The following TRAFD1 variants were observed in gnomAD, a reference collection of about 807,000 sequenced individuals.
The protein encoded by TRAFD1 is TRAF-type zinc finger domain-containing protein 1.
In TRAFD1, 38 loss-of-function variants were observed where a neutral mutation model predicts 65.3. The ratio of observed to expected loss-of-function variants is 0.58; its 90% CI spans 0.45 to 0.76. The LOEUF is 0.76. Among genes scored for constraint, TRAFD1 ranks in the 30% least tolerant of loss-of-function variants. The pLI, the probability that TRAFD1 is intolerant of heterozygous loss-of-function variation, is 0.00. For missense variants in TRAFD1, 631 were observed against 712.6 expected, an observed-to-expected ratio of 0.89 and a Z score of 1.30; for synonymous variants, 223 against 257.2, an observed-to-expected ratio of 0.87 and a Z score of 1.27.
At position 112,141,001 on chromosome 12, in the gene TRAFD1, G is replaced by T; in HGVS notation, c.420G>T (p.Glu140Asp). 1 of 1,614,152 alleles carries T rather than the reference G, an allele frequency of 6.2e-7. No homozygotes were observed. Among genetic ancestry groups the T allele is most frequent in the African/African-American group, 1.3e-5 (1 of 75,038 alleles). Residue 140 changes from glutamate (E) to aspartate (D), a missense_variant, in exon 5 of 12, where the codon GAG becomes GAT. By Grantham distance (45) the Glu-to-Asp change is conservative. Coordinates refer to ENST00000412615, the MANE Select transcript of TRAFD1 (RefSeq NM_006700.3). ...CTGAAGTTTGTGGGAGAGAGGGGGA[G>T]GAAAAGAGAAATGAGGTTGCCATAC... ...THPEVCGREG[E>D]EKRNEVAIPP...
rs2030453771 is a variant in TRAFD1 at position 112,153,066 on chromosome 12, C to T, written c.*275C>T. The T allele has an allele frequency of 2.5e-6, 1 of 404,138 alleles. No individual in the cohort carries two copies. Among genetic ancestry groups the T allele is most frequent in the Non-Finnish European group, 4.5e-6 (1 of 224,534 alleles). The allele number at this position is 404,138 out of a possible 1,614,324, so 25.0% of individuals were successfully genotyped here. ...CTGCAGCCTCGGCTGCCAGGGCTCCCTTTTGACTTATTGTCGCCACTGCCC... is the reference window on the plus strand; with the variant it reads ...CTGCAGCCTCGGCTGCCAGGGCTCCTTTTTGACTTATTGTCGCCACTGCCC... On this transcript the variant is annotated 3_prime_UTR_variant, in exon 12 of 12. Transcript: ENST00000412615.
intron 5 of TRAFD1, chr12:112,141,455 A>G (rs1566049475): frequency 1.8e-6 from 1 of 543,494 alleles, no homozygotes; most frequent in Non-Finnish European, 3.2e-6. Flanking sequence ...ACACTTATAC[A>G]GATTGAGTAT....
At position 112,142,229 on chromosome 12, in the gene TRAFD1, T is replaced by C; in HGVS notation, c.784T>C (p.Phe262Leu). ...GQASSVAEQDFWRAVCEADQS... is the reference protein window; with the variant it reads ...GQASSVAEQDLWRAVCEADQS... ...AGCCTCCAGTGTGGCAGAGCAGGAC[T>C]TCTGGAGGGCCGTATGTGAGGCCGA... The change falls in exon 6 of 12, where the codon TTC becomes CTC. Residue 262 changes from phenylalanine (F) to leucine (L), a missense_variant. Transcript: ENST00000412615. 1.2e-6 allele frequency: 2 copies of C among 1,614,014 alleles called. No homozygotes were observed. The highest frequency in any genetic ancestry group is 1.7e-6 in the Non-Finnish European group (2 of 1,179,934).
rs747939315 is a variant in TRAFD1 at position 112,142,274 on chromosome 12, A to G, written c.829A>G (p.Arg277Gly). 1.2e-6 allele frequency: 2 copies of G among 1,613,674 alleles called. No individual in the cohort carries two copies. The highest frequency in any genetic ancestry group is 3.3e-5 in the Admixed American group (2 of 60,002). ...GGCCGACCAGTCTCATGGCGGTCCC[A>G]GGTCTCTCAGTGACATAAAGGGTAG... ...CEADQSHGGP[R>G]SLSDIKGAAD... The change falls in exon 6 of 12, where the codon AGG becomes GGG. Residue 277 changes from arginine (R) to glycine (G), a missense_variant. Physicochemically the swap from Arg to Gly is moderately radical, Grantham distance 125. Transcript: ENST00000412615.
chr12:112,135,078 GA>G lies in TRAFD1; in HGVS notation c.237+13del. On this transcript the variant is annotated intron_variant, in intron 4 of 11. Coordinates refer to ENST00000412615, the MANE Select transcript of TRAFD1 (RefSeq NM_006700.3). ...TAAAGAAGCATGAGGTTAGTCCATGGAGTGAGTTACCGTGGGCCCAGTCCTG... is the reference window on the plus strand; with the variant it reads ...TAAAGAAGCATGAGGTTAGTCCATGGGTGAGTTACCGTGGGCCCAGTCCTG... The G allele has an allele frequency of 8.1e-6, 13 of 1,614,158 alleles. No individual in the cohort carries two copies. Among genetic ancestry groups the G allele is most frequent in the Non-Finnish European group, 1.1e-5 (13 of 1,180,012 alleles).
rs1382480236 is a variant in TRAFD1, at chr12:112,152,170, T to C, written c.1619+30T>C. ...GAATCAGTAGCCCAGGAATGGGGCTTGGGAGTAGCTGAAGCGAACATGGGC... is the reference window on the plus strand; with the variant it reads ...GAATCAGTAGCCCAGGAATGGGGCTCGGGAGTAGCTGAAGCGAACATGGGC... On this transcript the variant is annotated intron_variant, in intron 10 of 11. Transcript: ENST00000412615. The surrounding 1 kb of genome is among the most constrained non-coding windows in gnomAD (Gnocchi z 5.0). 6.3e-7 allele frequency: 1 copy of C among 1,587,766 alleles called. No homozygotes were observed. Among genetic ancestry groups the C allele is most frequent in the Non-Finnish European group, 8.6e-7 (1 of 1,166,572 alleles).
chr12:112,143,028 C>T lies in TRAFD1; in HGVS notation c.850+733C>T, dbSNP rs11066183. ...TGCCTCCTGGGCTCAAGTGATTCTCCTGCCTCAACCTCCTGAGTAGCTGGG... is the reference window on the plus strand; with the variant it reads ...TGCCTCCTGGGCTCAAGTGATTCTCTTGCCTCAACCTCCTGAGTAGCTGGG... On this transcript the variant is annotated intron_variant, in intron 6 of 11. Transcript: ENST00000412615. 0.055 allele frequency among the ~76,000 whole-genome samples: 8,330 copies of T among 151,766 alleles called. 1,259 individuals are homozygous for T. In the East Asian group the frequency reaches 0.61, roughly 11 times the overall value.
intron 7 of TRAFD1, among the ~76,000 whole-genome samples, chr12:112,147,263 C>T (rs568428299): frequency 6.6e-6 from 1 of 152,014 alleles, no homozygotes; most frequent in African/African-American, 2.4e-5. Flanking sequence ...TCCCAAAGTG[C>T]TGAGATTACA....
chr12:112,141,431 G>C (rs2030087535), intron 5 of TRAFD1: 1 of 617,968 alleles, frequency 1.6e-6, no homozygotes, highest in South Asian at 2.1e-5. Context: ...TGATGACAGT[G>C]TTGTAAATAG....
intron 6 of TRAFD1, among the ~76,000 whole-genome samples, chr12:112,142,573 C>T (rs1244491913): frequency 6.6e-6 from 1 of 151,308 alleles, no homozygotes; most frequent in Non-Finnish European, 1.5e-5. Context: ...ATGCTTGAAC[C>T]CAGGAGGCAG....
At chr12:112,150,536 A>G (rs545670760) in intron 9 of TRAFD1, among the ~76,000 whole-genome samples, 8 of 152,238 alleles carry the variant, frequency 5.3e-5, no homozygotes, top group Admixed American at 5.2e-4. Flanking sequence ...TGCGTAGGCC[A>G]CTGTGACCGA....
intron 4 of TRAFD1, among the ~76,000 whole-genome samples, chr12:112,138,276 C>G (rs542028725): frequency 6.6e-6 from 1 of 151,912 alleles, no homozygotes; most frequent in Non-Finnish European, 1.5e-5. Flanking sequence ...GTAGGCCAGG[C>G]GCAATGACTC....
At chr12:112,145,696 G>A in intron 7 of TRAFD1, 34 bp downstream of exon 7, 2 of 1,599,424 alleles carry the variant, frequency 1.3e-6, no homozygotes, top group Non-Finnish European at 1.7e-6. Context: ...CTTTTAGTAG[G>A]ATTGTATGCA....
At position 112,134,802 on chromosome 12, in the gene TRAFD1, A is replaced by G. The variant is rs368919929; in HGVS notation, c.112A>G (p.Met38Val). 46 of 1,613,714 alleles carry G rather than the reference A, an allele frequency of 2.9e-5. No individual in the cohort carries two copies. Among genetic ancestry groups the G allele is most frequent in the Non-Finnish European group, 3.7e-5 (44 of 1,179,692 alleles). The change falls in exon 3 of 12, where the codon ATG (methionine) becomes GTG (valine). Residue 38 changes from methionine (M) to valine (V), a missense_variant. Met to Val is a conservative substitution (Grantham distance 21, BLOSUM62 1). Coordinates refer to ENST00000412615, the MANE Select transcript of TRAFD1 (RefSeq NM_006700.3). ...HEIHCQRNIG[M>V]CPTCKEPFPK... ...GATCCACTGTCAAAGGAACATTGGT[A>G]TGTGTCCTACCTGTAAGGAACCATT... is the stretch of plus-strand genomic sequence containing the variant.
At chr12:112,149,142 T>C (rs1055834694) in intron 8 of TRAFD1, among the ~76,000 whole-genome samples, 1 of 151,154 alleles carries the variant, frequency 6.6e-6, no homozygotes, top group Admixed American at 6.6e-5. Flanking sequence ...CACTTGAACC[T>C]GGGAGGCAGA....
chr12:112,141,104 C>T lies in TRAFD1; in HGVS notation c.523C>T (p.Leu175=), dbSNP rs777364668. ...CCAACTCCTCAGACAAATTGAGGCT[C>T]TGGACCCACCCATGAGGCTGCCGCG... The part of the protein sequence containing the change: ...ASQLLRQIEA[L]DPPMRLPRRP... The change falls in exon 5 of 12, where the codon CTG becomes TTG. Residue 175 remains leucine, a synonymous_variant. Transcript: ENST00000412615. The T allele has an allele frequency of 6.2e-7, 1 of 1,614,148 alleles. No homozygotes were observed. The highest frequency in any genetic ancestry group is 2.2e-5 in the East Asian group (1 of 44,886).
At chr12:112,136,223 G>A (rs2029903840) in intron 4 of TRAFD1, among the ~76,000 whole-genome samples, 1 of 150,014 alleles carries the variant, frequency 6.7e-6, no homozygotes, top group South Asian at 2.1e-4. Flanking sequence ...TGGTCCTCCT[G>A]CCTCAGCCTC....
rs777613549 is a variant in TRAFD1, at chr12:112,149,856, C to G, written c.1264C>G (p.Arg422Gly). 17 of 1,614,000 alleles carry G rather than the reference C, an allele frequency of 1.1e-5. No individual in the cohort carries two copies. The highest frequency in any genetic ancestry group is 1.6e-4 in the Middle Eastern group (1 of 6,082). Residue 422 changes from arginine (R) to glycine (G), a missense_variant, in exon 9 of 12, where the codon CGT becomes GGT. Coordinates refer to ENST00000412615, the MANE Select transcript of TRAFD1 (RefSeq NM_006700.3). ...GACCTCACCAGAGCTGCCCAGGAGG[C>G]GTGTCAGACACCAGGGTATTTATTA... is the stretch of plus-strand genomic sequence containing the variant. ...QETSPELPRRRVRHQGDLSSG... is the reference protein window; with the variant it reads ...QETSPELPRRGVRHQGDLSSG...
At chr12:112,144,269 T>C (rs1244028404) in intron 6 of TRAFD1, among the ~76,000 whole-genome samples, 1 of 141,214 alleles carries the variant, frequency 7.1e-6, no homozygotes, top group Non-Finnish European at 1.6e-5. Flanking sequence ...TGGCCTGGAC[T>C]TTTTTTTTTT....
Sources: allele counts gnomAD v4.1 joint callset (sites outside exome capture counted in the v4.1 genomes callset), GRCh38; gene constraint gnomAD v4.1.1; non-coding constraint Gnocchi (gnomAD v3.1); transcripts MANE v1.5; gene names NCBI Gene and HGNC (gene_info 2026-07-23, HGNC 2026-07-21).